The following NDST3 variants were observed in gnomAD, a reference collection of about 807,000 sequenced individuals.
The protein encoded by NDST3 is bifunctional heparan sulfate N-deacetylase/N-sulfotransferase 3.
NDST3 carries 58 observed loss-of-function variants against 96.1 expected under a neutral mutation model. The observed-to-expected ratio is 0.60, with a 90% CI of 0.49 to 0.75. The LOEUF is 0.75. Ranked by LOEUF, NDST3 falls within the 30% of genes least tolerant of loss-of-function variation. The pLI, the probability that NDST3 is intolerant of heterozygous loss-of-function variation, is 0.00. For synonymous variants in NDST3, 333 were observed against 359.7 expected, an observed-to-expected ratio of 0.93 and a Z score of 0.84; for missense variants, 788 against 1,034.2, an observed-to-expected ratio of 0.76 and a Z score of 3.27.
chr4:118,093,454 T>C (rs1215363110), intron 2 of NDST3, among the ~76,000 whole-genome samples: 1 of 151,846 alleles, frequency 6.6e-6, no homozygotes, highest in East Asian at 1.9e-4. Flanking sequence ...CTTTACCATG[T>C]TCATTATTAT....
chr4:118,214,232 TGAA>T (rs994567422), intron 6 of NDST3, among the ~76,000 whole-genome samples: 4 of 151,954 alleles, frequency 2.6e-5, no homozygotes, highest in African/African-American at 9.7e-5. Flanking sequence ...AATATGAAGA[TGAA>T]GAAGAAGGTA....
chr4:118,036,759 G>A (rs898961316), intron 1 of NDST3, among the ~76,000 whole-genome samples: 13 of 151,786 alleles, frequency 8.6e-5, no homozygotes, highest in African/African-American at 1.2e-4. Context: ...CATTTTCATC[G>A]ATTTCATGTA....
intron 2 of NDST3, among the ~76,000 whole-genome samples, chr4:118,060,970 C>T (rs925370948): frequency 6.6e-6 from 1 of 152,142 alleles, no homozygotes; most frequent in Non-Finnish European, 1.5e-5. Flanking sequence ...CCTTTGCCAA[C>T]TGTTCACCTT....
intron 6 of NDST3, among the ~76,000 whole-genome samples, chr4:118,197,478 A>C (rs1338090759): frequency 6.6e-6 from 1 of 152,134 alleles, no homozygotes; most frequent in Non-Finnish European, 1.5e-5. Context: ...TTCTTTATAC[A>C]TCTAGGTGCT....
At chr4:118,081,511 T>C (rs1243572872) in intron 2 of NDST3, among the ~76,000 whole-genome samples, 2 of 152,166 alleles carry the variant, frequency 1.3e-5, no homozygotes, top group African/African-American at 4.8e-5. Context: ...TCTTTCTTAA[T>C]GAAAATATGT....
intron 6 of NDST3, among the ~76,000 whole-genome samples, chr4:118,216,301 T>C (rs921132897): frequency 7.2e-5 from 11 of 152,104 alleles, no homozygotes; most frequent in Non-Finnish European, 1.5e-4. Flanking sequence ...TGGAAGGCTG[T>C]CCTGATAAGG....
intron 6 of NDST3, among the ~76,000 whole-genome samples, chr4:118,179,748 A>C (rs1210756374): frequency 6.6e-6 from 1 of 152,082 alleles, no homozygotes. Context: ...CCAGAAAAAA[A>C]ACTCAAGTAA....
chr4:118,172,221 T>C (rs1158337217), intron 6 of NDST3, among the ~76,000 whole-genome samples: 2 of 152,208 alleles, frequency 1.3e-5, no homozygotes, highest in African/African-American at 4.8e-5. Context: ...CAGGGAGGCT[T>C]GGCCAGGTGT....
At chr4:118,156,841 T>C (rs545191524) in intron 6 of NDST3, among the ~76,000 whole-genome samples, 1 of 152,340 alleles carries the variant, frequency 6.6e-6, no homozygotes, top group African/African-American at 2.4e-5. Flanking sequence ...TCATACATCC[T>C]AGTGCGTGAG....
At chr4:118,239,036 G>A (rs28690846) in intron 10 of NDST3, among the ~76,000 whole-genome samples, 5,949 of 152,232 alleles carry the variant, frequency 0.039, 177 homozygotes, top group African/African-American at 0.085. Context: ...TAAGACAAAC[G>A]TGGAATGTTC....
chr4:118,151,595 T>C (rs1245170300), intron 6 of NDST3, among the ~76,000 whole-genome samples: 1 of 151,804 alleles, frequency 6.6e-6, no homozygotes, highest in Non-Finnish European at 1.5e-5. Flanking sequence ...ATCAGGCAAA[T>C]AGAGAAATAT....
intron 6 of NDST3, among the ~76,000 whole-genome samples, chr4:118,158,682 C>G (rs901774656): frequency 6.6e-6 from 1 of 152,138 alleles, no homozygotes; most frequent in African/African-American, 2.4e-5. Context: ...TCATTCTTCA[C>G]AATAGAGAAA....
rs148528517 is a variant in NDST3 at position 118,208,691 on chromosome 4, T to C, written c.1540-15800T>C. 1.4e-3 allele frequency among the ~76,000 whole-genome samples: 197 copies of C among 144,616 alleles called. 14 individuals are homozygous for C. In the East Asian group the frequency reaches 0.034, roughly 25 times the overall value. The allele number at this position is 144,616 out of a possible 152,430, so 94.9% of individuals were successfully genotyped here. On this transcript the variant is annotated intron_variant, in intron 6 of 13. Transcript: ENST00000296499. ...TCTTTAGCATTGTTCTTTTTGTCCTTTGAGTCTTTACTCTCTACTTAAAGA... is the reference window on the plus strand; with the variant it reads ...TCTTTAGCATTGTTCTTTTTGTCCTCTGAGTCTTTACTCTCTACTTAAAGA...
At chr4:118,188,380 A>G (rs1419376558) in intron 6 of NDST3, among the ~76,000 whole-genome samples, 1 of 150,682 alleles carries the variant, frequency 6.6e-6, no homozygotes, top group Non-Finnish European at 1.5e-5. Flanking sequence ...CATGGATTGT[A>G]CAGCTTTTAA....
chr4:118,113,851 T>C (rs919110876), intron 3 of NDST3, among the ~76,000 whole-genome samples: 3 of 152,084 alleles, frequency 2.0e-5, no homozygotes, highest in African/African-American at 7.2e-5. Context: ...AATTTTGAAA[T>C]GACTAGTATT....
rs535397075 is a variant in NDST3 at position 118,202,450 on chromosome 4, G to A, written c.1540-22041G>A. Reference sequence around the variant, plus strand: ...ACGAAACTGATTCTTCCAATTCATCGGCATGGAATGTTTCCCCATTTATGT... The same window carrying A: ...ACGAAACTGATTCTTCCAATTCATCAGCATGGAATGTTTCCCCATTTATGT... On this transcript the variant is annotated intron_variant, in intron 6 of 13. Transcript: ENST00000296499. 2.7e-4 allele frequency among the ~76,000 whole-genome samples: 41 copies of A among 152,126 alleles called. 1 individual carries two copies. The South Asian group carries it at 6.6e-3, about 25-fold the overall frequency.
At chr4:118,175,579 A>T (rs1284861413) in intron 6 of NDST3, among the ~76,000 whole-genome samples, 2 of 146,560 alleles carry the variant, frequency 1.4e-5, no homozygotes. Flanking sequence ...GATTAAAATG[A>T]CTCTTCTAGT....
intron 2 of NDST3, among the ~76,000 whole-genome samples, chr4:118,070,917 G>A (rs1232578995): frequency 2.0e-5 from 3 of 151,754 alleles, no homozygotes; most frequent in African/African-American, 4.8e-5. Flanking sequence ...TTGTCCTTGC[G>A]ATAGCTTGCT....
At chr4:118,073,579 G>A (rs1022241854) in intron 2 of NDST3, among the ~76,000 whole-genome samples, 1 of 151,862 alleles carries the variant, frequency 6.6e-6, no homozygotes, top group Non-Finnish European at 1.5e-5. Context: ...TCCACTTTGT[G>A]ATTTCTGATT....
Sources: allele counts gnomAD v4.1 joint callset (sites outside exome capture counted in the v4.1 genomes callset), GRCh38; gene constraint gnomAD v4.1.1; transcripts MANE v1.5; gene names NCBI Gene and HGNC (gene_info 2026-07-23, HGNC 2026-07-21).